SLC16A12: variants seen among roughly 807,000 people sequenced by gnomAD.
The protein encoded by SLC16A12 is monocarboxylate transporter 12.
A neutral mutation model predicts 42.4 loss-of-function variants in SLC16A12; 17 were observed. The observed-to-expected ratio is 0.40, with a 90% CI of 0.27 to 0.60. SLC16A12 has a LOEUF of 0.60. Ranked by LOEUF, SLC16A12 falls within the 20% of genes least tolerant of loss-of-function variation. The pLI, the probability that SLC16A12 is intolerant of heterozygous loss-of-function variation, is 0.42. For missense variants in SLC16A12, 544 were observed against 623.0 expected (o/e 0.87, Z 1.35); for synonymous variants, 224 against 229.4 (o/e 0.98, Z 0.21).
intron 2 of SLC16A12, among the ~76,000 whole-genome samples, chr10:89,519,069 G>C (rs1251203894): frequency 2.0e-5 from 3 of 152,156 alleles, no homozygotes; most frequent in Non-Finnish European, 4.4e-5. Flanking sequence ...AACAGTTGGG[G>C]AGAAGTATTT....
chr10:89,542,952 A>G (rs1843723697), intron 2 of SLC16A12, among the ~76,000 whole-genome samples: 1 of 152,154 alleles, frequency 6.6e-6, no homozygotes, highest in Non-Finnish European at 1.5e-5. Flanking sequence ...GTCGCCATGC[A>G]CATTCCTACC....
At chr10:89,455,412 G>A (rs912569977) in intron 3 of SLC16A12, among the ~76,000 whole-genome samples, 1 of 152,032 alleles carries the variant, frequency 6.6e-6, no homozygotes, top group Non-Finnish European at 1.5e-5. Flanking sequence ...TCAAACTTTA[G>A]ATATACAGAA....
chr10:89,527,813 AAGAG>A (rs551677855), intron 2 of SLC16A12, among the ~76,000 whole-genome samples: 116 of 142,826 alleles, frequency 8.1e-4, no homozygotes, highest in African/African-American at 1.6e-3. Context: ...TAAAAAAAAA[AAGAG>A]AGAGAGAGAG....
At chr10:89,469,308 C>T (rs1842457321) in intron 2 of SLC16A12, among the ~76,000 whole-genome samples, 1 of 152,188 alleles carries the variant, frequency 6.6e-6, no homozygotes, top group Admixed American at 6.5e-5. Flanking sequence ...TTACTGTTTA[C>T]AGTGCAAGTT....
intron 2 of SLC16A12, among the ~76,000 whole-genome samples, chr10:89,517,555 C>T (rs930543583): frequency 2.0e-5 from 3 of 152,080 alleles, no homozygotes; most frequent in Admixed American, 2.0e-4. Context: ...AAGGAATCCT[C>T]CTGCCTTGGC....
At chr10:89,546,624 G>A (rs187167135) in intron 2 of SLC16A12, among the ~76,000 whole-genome samples, 11 of 152,290 alleles carry the variant, frequency 7.2e-5, no homozygotes, top group African/African-American at 1.9e-4. Flanking sequence ...AGATAGTATC[G>A]CGATTCCTCA....
At chr10:89,520,436 C>T (rs1257262847) in intron 2 of SLC16A12, among the ~76,000 whole-genome samples, 2 of 152,258 alleles carry the variant, frequency 1.3e-5, no homozygotes, top group Non-Finnish European at 2.9e-5. Flanking sequence ...CAAATTCAAG[C>T]TTGACTTCTT....
chr10:89,443,134 G>A (rs1025534834), intron 4 of SLC16A12, among the ~76,000 whole-genome samples: 12 of 152,004 alleles, frequency 7.9e-5, no homozygotes, highest in East Asian at 5.8e-4. Flanking sequence ...TAACACTTTC[G>A]GAGTTCCTTG....
At chr10:89,529,902 G>A (rs1843516508) in intron 2 of SLC16A12, among the ~76,000 whole-genome samples, 1 of 152,084 alleles carries the variant, frequency 6.6e-6, no homozygotes, top group South Asian at 2.1e-4. Context: ...CATAGACATG[G>A]AATTTCTCTC....
At chr10:89,545,080 C>T (rs925696061) in intron 2 of SLC16A12, among the ~76,000 whole-genome samples, 2 of 152,132 alleles carry the variant, frequency 1.3e-5, no homozygotes, top group Non-Finnish European at 2.9e-5. Flanking sequence ...CCTCAAATGG[C>T]CTGCTGGATG....
intron 2 of SLC16A12, among the ~76,000 whole-genome samples, chr10:89,528,452 T>A (rs1384197154): frequency 6.6e-6 from 1 of 152,162 alleles, no homozygotes; most frequent in African/African-American, 2.4e-5. Context: ...AATTCATTGG[T>A]TGACAGTAAT....
chr10:89,498,195 C>T (rs1032365868), intron 2 of SLC16A12, among the ~76,000 whole-genome samples: 5 of 150,764 alleles, frequency 3.3e-5, no homozygotes, highest in African/African-American at 7.3e-5. Context: ...CCCAGCTACT[C>T]GGAGGTGGGT....
At chr10:89,547,755 G>T (rs541837906) in intron 2 of SLC16A12, among the ~76,000 whole-genome samples, 5 of 152,160 alleles carry the variant, frequency 3.3e-5, no homozygotes, top group African/African-American at 1.2e-4. Flanking sequence ...CCAGCACTTT[G>T]GGAGGCTGAG....
upstream of SLC16A12, among the ~76,000 whole-genome samples, chr10:89,539,857 T>TTTCTTTCTTTCTTTCTTTCTTTC (rs1843700720): frequency 2.0e-4 from 25 of 127,858 alleles, no homozygotes; most frequent in African/African-American, 2.7e-4. Context: ...AGAAACAAAT[T>TTTCTTTCTTTCTTTCTTTCTTTC]TTTCTTTCTT....
intron 4 of SLC16A12, 128 bp from the exon 5 acceptor site, chr10:89,441,379 G>A: frequency 8.9e-7 from 1 of 1,120,522 alleles, no homozygotes; most frequent in South Asian, 1.3e-5. Flanking sequence ...CTGCAGCTTT[G>A]GAAACTGAGG....
intron 2 of SLC16A12, among the ~76,000 whole-genome samples, chr10:89,496,409 A>G (rs303178): frequency 0.24 from 36,162 of 152,086 alleles, 4,987 homozygotes; most frequent in Non-Finnish European, 0.32. Context: ...TAAAGTAAAC[A>G]AGAACACAAA....
At chr10:89,438,488 C>T (rs1841841642) in intron 6 of SLC16A12, 116 bp downstream of exon 6, 13 of 964,436 alleles carry the variant, frequency 1.3e-5, no homozygotes, top group Admixed American at 2.6e-5. Flanking sequence ...CCTTCAGATA[C>T]TGCAGACTTG....
chr10:89,473,099 A>C (rs1263452264), intron 2 of SLC16A12, among the ~76,000 whole-genome samples: 1 of 149,166 alleles, frequency 6.7e-6, no homozygotes, highest in Non-Finnish European at 1.5e-5. Context: ...GATTACAGGC[A>C]TAAGTCACTA....
At chr10:89,504,237 C>CA (rs987148041) in intron 2 of SLC16A12, among the ~76,000 whole-genome samples, 1 of 152,002 alleles carries the variant, frequency 6.6e-6, no homozygotes, top group Non-Finnish European at 1.5e-5. Flanking sequence ...CAAAACAAAA[C>CA]AAAAAAAGCT....
Sources: allele counts gnomAD v4.1 joint callset (sites outside exome capture counted in the v4.1 genomes callset), GRCh38; gene constraint gnomAD v4.1.1; transcripts MANE v1.5; gene names NCBI Gene and HGNC (gene_info 2026-07-23, HGNC 2026-07-21).